NAALADL2: variants seen among roughly 807,000 people sequenced by gnomAD.
NAALADL2 encodes N-acetylated alpha-linked acidic dipeptidase like 2.
A neutral mutation model predicts 87.2 loss-of-function variants in NAALADL2; 76 were observed. The ratio of observed to expected loss-of-function variants is 0.87; its 90% CI spans 0.72 to 1.05. The LOEUF is 1.05. Ranked by LOEUF, NAALADL2 falls within the 50% of genes least tolerant of loss-of-function variation. NAALADL2 has a pLI of 0.00. For synonymous variants in NAALADL2, 354 were observed against 331.0 expected (o/e 1.07, Z -0.75); for missense variants, 1,089 against 945.8 (o/e 1.15, Z -1.99).
chr3:175,314,605 TAC>T (rs2110333272), intron 4 of NAALADL2, among the ~76,000 whole-genome samples: 3 of 110,348 alleles, frequency 2.7e-5, no homozygotes, highest in African/African-American at 3.4e-5. Flanking sequence ...ATATAGGCTA[TAC>T]ATACTGTAAA....
intron 9 of NAALADL2, among the ~76,000 whole-genome samples, chr3:175,473,800 T>A (rs1004254549): frequency 2.6e-5 from 4 of 152,094 alleles, no homozygotes; most frequent in African/African-American, 9.7e-5. Context: ...AAAAAAGAAC[T>A]AAAATGATAA....
intron 10 of NAALADL2, among the ~76,000 whole-genome samples, chr3:175,597,323 G>T (rs533975910): frequency 1.3e-5 from 2 of 152,042 alleles, no homozygotes; most frequent in African/African-American, 4.8e-5. Context: ...TATCTGTGAA[G>T]TCTCAATAAT....
chr3:175,182,960 T>C (rs1158244657), intron 2 of NAALADL2, among the ~76,000 whole-genome samples: 1 of 152,060 alleles, frequency 6.6e-6, no homozygotes, highest in Non-Finnish European at 1.5e-5. Flanking sequence ...GAATATAGCT[T>C]GAAGTGAGGT....
At chr3:175,520,542 C>A (rs1312560679) in intron 9 of NAALADL2, among the ~76,000 whole-genome samples, 1 of 152,082 alleles carries the variant, frequency 6.6e-6, no homozygotes, top group African/African-American at 2.4e-5. Flanking sequence ...TCATGATCCA[C>A]CCGCCTCGGC....
chr3:175,552,886 A>C (rs1714654194), intron 9 of NAALADL2, among the ~76,000 whole-genome samples: 3 of 152,268 alleles, frequency 2.0e-5, no homozygotes, highest in Admixed American at 2.0e-4. Flanking sequence ...AATCTCATTT[A>C]ATTTTAAGTG....
At chr3:175,707,557 A>G (rs1739896661) in intron 11 of NAALADL2, among the ~76,000 whole-genome samples, 1 of 152,116 alleles carries the variant, frequency 6.6e-6, no homozygotes, top group Non-Finnish European at 1.5e-5. Context: ...ACATAGGAAC[A>G]TCAAACTGAC....
At chr3:175,618,322 G>A (rs965902017) in intron 10 of NAALADL2, among the ~76,000 whole-genome samples, 1 of 152,050 alleles carries the variant, frequency 6.6e-6, no homozygotes, top group Non-Finnish European at 1.5e-5. Flanking sequence ...TGCCTGAAAC[G>A]AGGATTTCTA....
chr3:175,573,534 C>T (rs1718398962), intron 9 of NAALADL2, among the ~76,000 whole-genome samples: 1 of 152,182 alleles, frequency 6.6e-6, no homozygotes, highest in Non-Finnish European at 1.5e-5. Context: ...TCTTGCCTGC[C>T]TCAGGCATTC....
At chr3:175,046,015 T>A (rs1435230855) in intron 1 of NAALADL2, among the ~76,000 whole-genome samples, 1 of 151,814 alleles carries the variant, frequency 6.6e-6, no homozygotes, top group Non-Finnish European at 1.5e-5. Context: ...ACTTTATGTT[T>A]TTTTTTTTAA....
chr3:175,148,404 G>T (rs532183669), intron 2 of NAALADL2, among the ~76,000 whole-genome samples: 1 of 151,926 alleles, frequency 6.6e-6, no homozygotes, highest in African/African-American at 2.4e-5. Context: ...TGTTGATTTT[G>T]TTGATAGTTT....
chr3:174,560,649 A>G (rs1478601254), intron 2 of NAALADL2, among the ~76,000 whole-genome samples: 1 of 152,038 alleles, frequency 6.6e-6, no homozygotes, highest in African/African-American at 2.4e-5. Flanking sequence ...TTTTGTAATT[A>G]CCTTTAGTGT....
chr3:174,693,436 T>A (rs186349091), intron 2 of NAALADL2, among the ~76,000 whole-genome samples: 1 of 152,288 alleles, frequency 6.6e-6, no homozygotes, highest in Non-Finnish European at 1.5e-5. Context: ...TCTTTTGGTC[T>A]TTATTTTACT....
intron 2 of NAALADL2, among the ~76,000 whole-genome samples, chr3:175,165,630 A>G (rs1461650546): frequency 2.0e-5 from 3 of 152,134 alleles, no homozygotes; most frequent in Non-Finnish European, 4.4e-5. Flanking sequence ...CTTCAAAAAG[A>G]ATTTCTGTAA....
At chr3:175,073,740 A>G (rs1716073285) in intron 1 of NAALADL2, among the ~76,000 whole-genome samples, 1 of 152,102 alleles carries the variant, frequency 6.6e-6, no homozygotes, top group African/African-American at 2.4e-5. Context: ...GTGTTACTCA[A>G]GAGAAGAACG....
intron 5 of NAALADL2, among the ~76,000 whole-genome samples, chr3:175,419,180 G>C (rs556351439): frequency 8.6e-5 from 13 of 151,750 alleles, no homozygotes; most frequent in Admixed American, 6.6e-5. Flanking sequence ...AAATGTATTG[G>C]GGGAGGGGTC....
chr3:174,672,737 GTAT>G, intron 2 of NAALADL2, among the ~76,000 whole-genome samples: 1 of 152,144 alleles, frequency 6.6e-6, no homozygotes, highest in African/African-American at 2.4e-5. Flanking sequence ...AAAGAGAAGA[GTAT>G]TCCAGGCCTT....
At chr3:175,445,521 TTTCA>T (rs1720545766) in intron 5 of NAALADL2, among the ~76,000 whole-genome samples, 1 of 152,156 alleles carries the variant, frequency 6.6e-6, no homozygotes, top group African/African-American at 2.4e-5. Context: ...GGAGTTTGTT[TTTCA>T]GTTTTATCCA....
intron 1 of NAALADL2, among the ~76,000 whole-genome samples, chr3:174,897,556 A>G (rs1343691015): frequency 1.3e-5 from 2 of 152,190 alleles, no homozygotes; most frequent in Non-Finnish European, 2.9e-5. Flanking sequence ...GAACCCTTGT[A>G]CATTGTTGGT....
At chr3:174,559,941 C>T (rs1335095917) in intron 2 of NAALADL2, among the ~76,000 whole-genome samples, 4 of 152,218 alleles carry the variant, frequency 2.6e-5, no homozygotes, top group African/African-American at 7.2e-5. Context: ...ACCACTGACA[C>T]GTTGTGTCTT....
Sources: allele counts gnomAD v4.1 joint callset (sites outside exome capture counted in the v4.1 genomes callset), GRCh38; gene constraint gnomAD v4.1.1; transcripts MANE v1.5; gene names NCBI Gene and HGNC (gene_info 2026-07-23, HGNC 2026-07-21).